SNX6: variants seen among roughly 807,000 people sequenced by gnomAD.
SNX6 encodes the protein sorting nexin 6, also known as sorting nexin-6.
Under a neutral mutation model 63.0 loss-of-function variants are expected in SNX6, and 34 were observed. That is an observed-to-expected ratio of 0.54 (90% confidence interval 0.41 to 0.72). SNX6 has a LOEUF of 0.72. SNX6 is among the 30% of genes least tolerant of loss of function. SNX6 has a pLI of 0.00. For missense variants in SNX6, 398 were observed against 471.4 expected (o/e 0.84, Z 1.44); for synonymous variants, 170 against 164.2 (o/e 1.04, Z -0.27).
At position 34,630,108 on chromosome 14, in the gene SNX6, C is replaced by G. The variant is rs1345355537; in HGVS notation, c.6+3G>C. The G allele has an allele frequency of 1.4e-6, 2 of 1,440,096 alleles. No individual in the cohort carries two copies. Among genetic ancestry groups the G allele is most frequent in the Non-Finnish European group, 1.8e-6 (2 of 1,107,938 alleles). The allele number at this position is 1,440,096 out of a possible 1,614,324, so 89.2% of individuals were successfully genotyped here. ...GGGACTCGGCGCCGCGGAGAACACC[C>G]ACCATCATGGCTGCTCCGAGGCGAG... On this transcript the variant is annotated splice_donor_region_variant and intron_variant, in intron 1 of 13. Transcript: ENST00000362031.
intron 11 of SNX6, 39 bp downstream of exon 11, chr14:34,575,717 G>T (rs1881666736): frequency 8.6e-7 from 1 of 1,168,416 alleles, no homozygotes; most frequent in Non-Finnish European, 1.2e-6. Context: ...AGAAATGGCT[G>T]TTTGTAAAAT....
intron 8 of SNX6, among the ~76,000 whole-genome samples, chr14:34,587,098 A>T (rs1282446047): frequency 6.6e-6 from 1 of 151,956 alleles, no homozygotes; most frequent in East Asian, 1.9e-4. Flanking sequence ...CTATGTAAAA[A>T]TCCTAAGGAA....
chr14:34,568,762 T>C, intron 11 of SNX6: 1 of 900,690 alleles, frequency 1.1e-6, no homozygotes, highest in Non-Finnish European at 1.9e-6. Context: ...ACGTGTCAGT[T>C]TGCGGCCCCC....
rs1422624317 is a variant in SNX6, at chr14:34,586,144, AC to A, written c.794+85del. On this transcript the variant is annotated intron_variant, in intron 9 of 13. Transcript: ENST00000362031. ...TCTTGAACTCCTGACCTCTTAATCCACCCACCTTCGCCTCCCAAAGTGCTGG... is the reference window on the plus strand; with the variant it reads ...TCTTGAACTCCTGACCTCTTAATCCACCACCTTCGCCTCCCAAAGTGCTGG... 14 of 681,086 alleles carry A rather than the reference AC, an allele frequency of 2.1e-5. No individual in the cohort carries two copies. The African/African-American group carries it at 2.8e-4, about 14-fold the overall frequency. 42.2% of individuals were successfully genotyped at this position (681,086 alleles called of 1,614,324 possible).
At chr14:34,599,626 T>C (rs1882729674) in intron 6 of SNX6, among the ~76,000 whole-genome samples, 1 of 149,386 alleles carries the variant, frequency 6.7e-6, no homozygotes, top group Non-Finnish European at 1.5e-5. Flanking sequence ...AAAAAAAAAT[T>C]AGCCGGGCAT....
chr14:34,564,655 C>T (rs1440569789), intron 13 of SNX6, among the ~76,000 whole-genome samples: 4 of 151,886 alleles, frequency 2.6e-5, no homozygotes, highest in Non-Finnish European at 5.9e-5. Context: ...TGGTGAAACC[C>T]TATCTCTACT....
Position 34,569,421 on chromosome 14 carries a change from G to GT in SNX6, c.922-1409dup, listed in dbSNP as rs111736588. On this transcript the variant is annotated intron_variant, in intron 11 of 13. Coordinates refer to ENST00000362031, the MANE Select transcript of SNX6 (RefSeq NM_152233.4). ...CTACAGATTTGCCTATTCTGGACATGTTTTTTTTTTTTGTTTTTTGTTTTG... is the reference window on the plus strand; with the variant it reads ...CTACAGATTTGCCTATTCTGGACATGTTTTTTTTTTTTTGTTTTTTGTTTTG... 4.5e-3 allele frequency among the ~76,000 whole-genome samples: 647 copies of GT among 143,998 alleles called. 6 individuals carry two copies. Among genetic ancestry groups the GT allele is most frequent in the Middle Eastern group, 0.014 (4 of 276 alleles). 94.5% of individuals were successfully genotyped at this position (143,998 alleles called of 152,430 possible).
intron 9 of SNX6, among the ~76,000 whole-genome samples, chr14:34,581,973 C>T (rs1216449878): frequency 1.3e-5 from 2 of 151,992 alleles, no homozygotes; most frequent in Non-Finnish European, 2.9e-5. Context: ...GGACTACAGG[C>T]GCCCGCCACC....
At chr14:34,594,928 C>T (rs753794801) in intron 7 of SNX6, among the ~76,000 whole-genome samples, 2 of 151,694 alleles carry the variant, frequency 1.3e-5, no homozygotes, top group South Asian at 2.1e-4. Flanking sequence ...TCTGTCTCTA[C>T]AAAAAATACA....
At chr14:34,598,342 T>C (rs1882679500) in intron 6 of SNX6, among the ~76,000 whole-genome samples, 1 of 152,178 alleles carries the variant, frequency 6.6e-6, no homozygotes, top group South Asian at 2.1e-4. Flanking sequence ...CAGATCTCTA[T>C]CACTACCTGC....
chr14:34,567,362 C>T (rs770324184), intron 13 of SNX6, among the ~76,000 whole-genome samples: 5 of 152,076 alleles, frequency 3.3e-5, no homozygotes, highest in Admixed American at 6.6e-5. Flanking sequence ...TGGCACATAC[C>T]TGTAATCCCA....
intron 11 of SNX6, among the ~76,000 whole-genome samples, chr14:34,573,563 A>T (rs1039887387): frequency 6.6e-6 from 1 of 151,830 alleles, no homozygotes; most frequent in Non-Finnish European, 1.5e-5. Context: ...CAACAGGGCG[A>T]GACTCTGCCT....
intron 10 of SNX6, 108 bp downstream of exon 10, chr14:34,581,453 T>C (rs552271313): frequency 1.2e-4 from 73 of 607,230 alleles, no homozygotes; most frequent in African/African-American, 1.1e-3. Context: ...GCCTGGCCAA[T>C]AGTGATCACT....
intron 8 of SNX6, among the ~76,000 whole-genome samples, chr14:34,587,303 C>T (rs1011554007): frequency 1.2e-4 from 18 of 151,520 alleles, no homozygotes; most frequent in South Asian, 2.1e-4. Context: ...GAGGCCAAGG[C>T]GGGCAGATCA....
At chr14:34,630,075 G>A (rs1883985747) in intron 1 of SNX6, 36 bp downstream of exon 1, 3 of 1,455,622 alleles carry the variant, frequency 2.1e-6, no homozygotes, top group Non-Finnish European at 2.7e-6. Context: ...TGCCCCCACC[G>A]CGCTCCCGGG....
intron 11 of SNX6, 48 bp from the exon 12 acceptor site, chr14:34,568,061 G>C (rs574728160): frequency 6.5e-7 from 1 of 1,535,580 alleles, no homozygotes; most frequent in Non-Finnish European, 8.9e-7. Context: ...CATGTTTCCA[G>C]TAGTCACACC....
intron 10 of SNX6, among the ~76,000 whole-genome samples, chr14:34,576,457 T>A (rs910252453): frequency 6.2e-4 from 32 of 51,720 alleles, no homozygotes; most frequent in African/African-American, 1.5e-3. Flanking sequence ...TATATATTTT[T>A]TTTTTTTTTG....
chr14:34,605,568 A>T (rs1046178014), intron 5 of SNX6, 28 bp downstream of exon 5: 1 of 1,515,924 alleles, frequency 6.6e-7, no homozygotes, highest in Non-Finnish European at 8.8e-7. Flanking sequence ...CCAAAAAAAA[A>T]AAACAAAAAA....
rs7152864 is a variant in SNX6, at chr14:34,584,938, C to T, written c.794+1292G>A. On this transcript the variant is annotated intron_variant, in intron 9 of 13. Transcript: ENST00000362031. ...TGTGATCTCGGCTCAACGCAACCTT[C>T]GTCTCCTGGGTTTAAGCGATTCTCC... is the stretch of plus-strand genomic sequence containing the variant. 2.6e-5 allele frequency among the ~76,000 whole-genome samples: 4 copies of T among 151,882 alleles called. 1 individual carries two copies. The highest frequency in any genetic ancestry group is 3.9e-4 in the East Asian group (2 of 5,126).
Sources: gnomAD v4.1 joint callset for allele counts (sites outside exome capture counted in the v4.1 genomes callset) on GRCh38, gnomAD v4.1.1 for gene constraint, MANE v1.5 for transcripts, NCBI Gene and HGNC (gene_info 2026-07-23, HGNC 2026-07-21) for gene names.